EEPD1: variants seen among roughly 807,000 people sequenced by gnomAD.
EEPD1 encodes endonuclease/exonuclease/phosphatase family domain-containing protein 1.
Under a neutral mutation model 46.3 loss-of-function variants are expected in EEPD1, and 17 were observed. The observed-to-expected ratio is 0.37, with a 90% CI of 0.25 to 0.55. EEPD1 has a LOEUF of 0.55. EEPD1 is among the 20% of genes least tolerant of loss of function. The pLI is 0.83. For synonymous variants in EEPD1, 313 were observed against 315.6 expected (o/e 0.99, Z 0.09); for missense variants, 673 against 745.6 (o/e 0.90, Z 1.13).
At chr7:36,216,221 A>G (rs10951466) in intron 2 of EEPD1, among the ~76,000 whole-genome samples, 75,601 of 152,026 alleles carry the variant, frequency 0.5, 20,614 homozygotes, top group Admixed American at 0.62. Flanking sequence ...TAAGTTGTTT[A>G]TTGACTGCCC....
chr7:36,165,190 G>A (rs1481217785), intron 2 of EEPD1, among the ~76,000 whole-genome samples: 1 of 152,076 alleles, frequency 6.6e-6, no homozygotes, highest in African/African-American at 2.4e-5. Context: ...TCCATTCATG[G>A]CAAGTGCCCT....
At chr7:36,213,814 G>A (rs11769188) in intron 2 of EEPD1, among the ~76,000 whole-genome samples, 3,534 of 152,164 alleles carry the variant, frequency 0.023, 105 homozygotes, top group Non-Finnish European at 0.03. Flanking sequence ...GTACCCCCCC[G>A]GATTGTCGGC....
chr7:36,232,858 C>A (rs1051790101), intron 2 of EEPD1, among the ~76,000 whole-genome samples: 2 of 151,918 alleles, frequency 1.3e-5, no homozygotes, highest in Admixed American at 6.6e-5. Flanking sequence ...ATTTTAATGT[C>A]ATTTTCATTT....
intron 2 of EEPD1, among the ~76,000 whole-genome samples, chr7:36,223,220 G>T (rs1183824937): frequency 1.3e-5 from 2 of 152,072 alleles, no homozygotes; most frequent in Admixed American, 6.6e-5. Flanking sequence ...GTAATAATAA[G>T]AAATAAATTT....
chr7:36,158,999 C>A (rs1784865225), intron 2 of EEPD1, among the ~76,000 whole-genome samples: 1 of 152,154 alleles, frequency 6.6e-6, no homozygotes, highest in African/African-American at 2.4e-5. Context: ...TGGCTTAAAT[C>A]AATTTTTTTG....
Position 36,193,705 on chromosome 7 carries a change from T to G in EEPD1, c.878+38503T>G, listed in dbSNP as rs1251920672. Reference sequence around the variant, plus strand: ...TGAGGGGCAGTCTTGATCAAGAAAATGTTCCTAGGGCTATGTTTCCAAGAG... The same window carrying G: ...TGAGGGGCAGTCTTGATCAAGAAAAGGTTCCTAGGGCTATGTTTCCAAGAG... On this transcript the variant is annotated intron_variant, in intron 2 of 7. Transcript: ENST00000242108. The surrounding 1 kb of genome is among the most constrained non-coding windows in gnomAD (Gnocchi z 4.9). Among the ~76,000 whole-genome samples the G allele has an allele frequency of 6.6e-6, 1 of 152,036 alleles. No individual in the cohort carries two copies. The highest frequency in any genetic ancestry group is 6.6e-5 in the Admixed American group (1 of 15,264).
chr7:36,284,466 G>T (rs1239181858), intron 4 of EEPD1, among the ~76,000 whole-genome samples: 3 of 152,246 alleles, frequency 2.0e-5, no homozygotes, highest in Non-Finnish European at 4.4e-5. Flanking sequence ...AGGCCACCCT[G>T]TCTGTATGGA....
intron 3 of EEPD1, among the ~76,000 whole-genome samples, chr7:36,246,126 G>C (rs944224987): frequency 5.9e-5 from 9 of 152,226 alleles, no homozygotes; most frequent in Non-Finnish European, 1.2e-4. Context: ...GCGGACCACT[G>C]GCTGACCCAA....
chr7:36,157,811 A>G (rs1050750706), intron 2 of EEPD1, among the ~76,000 whole-genome samples: 1 of 152,324 alleles, frequency 6.6e-6, no homozygotes, highest in South Asian at 2.1e-4. Context: ...TAGGGTATCA[A>G]AAGCTGTCAC....
chr7:36,198,364 A>C (rs1454577233), intron 2 of EEPD1, among the ~76,000 whole-genome samples: 1 of 133,900 alleles, frequency 7.5e-6, no homozygotes, highest in Non-Finnish European at 1.6e-5. Context: ...AAAAAGAAAG[A>C]TATTTTCCTG....
At chr7:36,158,472 G>A (rs774753087) in intron 2 of EEPD1, among the ~76,000 whole-genome samples, 1 of 152,186 alleles carries the variant, frequency 6.6e-6, no homozygotes, top group Non-Finnish European at 1.5e-5. Context: ...AGGCTGAAGG[G>A]TAGCTGTATG....
rs1787408435 is a variant in EEPD1, at chr7:36,290,319, T to C, written c.1315+2542T>C. 3.3e-5 allele frequency among the ~76,000 whole-genome samples: 5 copies of C among 152,104 alleles called. No individual in the cohort carries two copies. In the South Asian group the frequency reaches 1.0e-3, roughly 32 times the overall value. On this transcript the variant is annotated intron_variant, in intron 6 of 7. Coordinates refer to ENST00000242108, the MANE Select transcript of EEPD1 (RefSeq NM_030636.3). ...GCCAAGGTACTATTGACCCACAGCC[T>C]GGCTTGGCCTTGACTCATCCAAGTA... is the stretch of plus-strand genomic sequence containing the variant.
chr7:36,184,682 A>T (rs933232707), intron 2 of EEPD1, among the ~76,000 whole-genome samples: 13 of 152,160 alleles, frequency 8.5e-5, no homozygotes, highest in Non-Finnish European at 1.9e-4. Flanking sequence ...TAAATCAGTT[A>T]ATCTAACACT....
Position 36,287,730 on chromosome 7 carries a change from G to A in EEPD1, c.1268G>A (p.Gly423Asp). 6.2e-7 allele frequency: 1 copy of A among 1,614,132 alleles called. No individual in the cohort carries two copies. The highest frequency in any genetic ancestry group is 8.5e-7 in the Non-Finnish European group (1 of 1,180,018). The change falls in exon 6 of 8, where the codon GGC becomes GAC. Residue 423 changes from glycine (G) to aspartate (D), a missense_variant. Gly to Asp is a moderately conservative substitution (Grantham distance 94, BLOSUM62 -1). Transcript: ENST00000242108. ...AATCCCAGCAAGAATCACAGTGATG[G>A]CCACCGGTTGGCGAGCTTTGCACAG... ...SENPSKNHSD[G>D]HRLASFAQTL...
intron 2 of EEPD1, among the ~76,000 whole-genome samples, chr7:36,213,482 C>T (rs555382355): frequency 2.6e-5 from 4 of 152,298 alleles, no homozygotes; most frequent in Admixed American, 2.6e-4. Context: ...AGTTCAGAAG[C>T]AAAGCGAGGA....
intron 2 of EEPD1, among the ~76,000 whole-genome samples, chr7:36,177,748 C>G (rs537206947): frequency 3.0e-4 from 46 of 152,150 alleles, no homozygotes; most frequent in Non-Finnish European, 5.0e-4. Flanking sequence ...GAATCTCACT[C>G]TGTCACCCAG....
At chr7:36,268,031 T>C (rs1787049745) in intron 3 of EEPD1, among the ~76,000 whole-genome samples, 1 of 152,188 alleles carries the variant, frequency 6.6e-6, no homozygotes, top group Non-Finnish European at 1.5e-5. Context: ...CTTCCAGAAC[T>C]GTGAGAAGTA....
chr7:36,293,962 T>C (rs1372179365), intron 6 of EEPD1, among the ~76,000 whole-genome samples: 3 of 146,470 alleles, frequency 2.0e-5, no homozygotes, highest in Non-Finnish European at 4.5e-5. Flanking sequence ...AGACTCCATC[T>C]CAAAAAAAAA....
chr7:36,221,315 C>A (rs940846936), intron 2 of EEPD1, among the ~76,000 whole-genome samples: 2 of 152,194 alleles, frequency 1.3e-5, no homozygotes, highest in Admixed American at 1.3e-4. Context: ...TAAGAGCCAG[C>A]TCTATGGTAT....
Sources: gnomAD v4.1 joint callset for allele counts (sites outside exome capture counted in the v4.1 genomes callset) on GRCh38, gnomAD v4.1.1 for gene constraint, Gnocchi (gnomAD v3.1) non-coding constraint, MANE v1.5 for transcripts, NCBI Gene and HGNC (gene_info 2026-07-23, HGNC 2026-07-21) for gene names.